The following RNF212B variants were observed in gnomAD, a reference collection of about 807,000 sequenced individuals.
RNF212B encodes the protein ring finger protein 212B.
In RNF212B, 52 loss-of-function variants were observed where a neutral mutation model predicts 55.5. The observed-to-expected ratio is 0.94, with a 90% CI of 0.75 to 1.18. The LOEUF (loss-of-function observed/expected upper bound fraction) is 1.18. RNF212B is among the 50% of genes most tolerant of loss of function. The pLI is 0.00. For synonymous variants in RNF212B, 99 were observed against 121.4 expected (o/e 0.82, Z 1.21); for missense variants, 289 against 350.4 (o/e 0.82, Z 1.40).
At chr14:23,199,455 A>C (rs1879065278) in intron 2 of RNF212B, among the ~76,000 whole-genome samples, 1 of 152,234 alleles carries the variant, frequency 6.6e-6, no homozygotes, top group Non-Finnish European at 1.5e-5. Flanking sequence ...TGCCCTAAGC[A>C]GTTCCCAGCT....
At chr14:23,231,870 A>G (rs1882647015) in intron 2 of RNF212B, among the ~76,000 whole-genome samples, 1 of 152,180 alleles carries the variant, frequency 6.6e-6, no homozygotes, top group South Asian at 2.1e-4. Context: ...TCCAGCTCCT[A>G]ACCGTGAGTG....
At chr14:23,194,250 CA>C (rs1243107335) in intron 2 of RNF212B, among the ~76,000 whole-genome samples, 3 of 151,610 alleles carry the variant, frequency 2.0e-5, no homozygotes, top group African/African-American at 7.3e-5. Context: ...GAATTTAAGG[CA>C]AAAAGCATCA....
intron 4 of RNF212B, among the ~76,000 whole-genome samples, chr14:23,256,813 G>C (rs1320665204): frequency 6.6e-6 from 1 of 152,138 alleles, no homozygotes. Context: ...CAGCCTTTCA[G>C]GTAGTTGAGA....
At chr14:23,247,294 G>C (rs1280840987) in intron 4 of RNF212B, among the ~76,000 whole-genome samples, 2 of 151,864 alleles carry the variant, frequency 1.3e-5, no homozygotes, top group Non-Finnish European at 2.9e-5. Flanking sequence ...TTTAAAGTAT[G>C]CAATTCAGTG....
At position 23,220,286 on chromosome 14, in the gene RNF212B, C is replaced by T. The variant is rs573882829; in HGVS notation, c.-1-20059C>T. Among the ~76,000 whole-genome samples the T allele has an allele frequency of 8.5e-5, 13 of 152,294 alleles. No homozygotes were observed. The East Asian group carries it at 1.9e-3, about 23-fold the overall frequency. On this transcript the variant is annotated intron_variant, in intron 2 of 15. Transcript: ENST00000399910. ...GTGGCTTATGCCTGTAATTTCAGCA[C>T]TTTGGGAGGTCGAGGTGGGTGGATT...
chr14:23,208,935 T>G (rs921272466), intron 2 of RNF212B, among the ~76,000 whole-genome samples: 1 of 151,420 alleles, frequency 6.6e-6, no homozygotes, highest in Non-Finnish European at 1.5e-5. Context: ...ATTTTTTGTA[T>G]TTTTAGTAGA....
At chr14:23,208,209 A>C (rs1200698764) in intron 2 of RNF212B, among the ~76,000 whole-genome samples, 2 of 152,184 alleles carry the variant, frequency 1.3e-5, no homozygotes, top group African/African-American at 4.8e-5. Context: ...GCACGAGATG[A>C]GTGTGGCACA....
chr14:23,266,888 C>T (rs1421223070), intron 11 of RNF212B, among the ~76,000 whole-genome samples: 4 of 152,172 alleles, frequency 2.6e-5, no homozygotes, highest in African/African-American at 9.7e-5. Context: ...CCTTTCCTTG[C>T]TGATCTTCTG....
chr14:23,259,978 C>A, intron 6 of RNF212B, 34 bp downstream of exon 6: 2 of 1,159,942 alleles, frequency 1.7e-6, no homozygotes, highest in South Asian at 1.5e-5. Flanking sequence ...TTATTATTTT[C>A]TCTCTTACTT....
intron 13 of RNF212B, among the ~76,000 whole-genome samples, chr14:23,270,206 A>G (rs1208575393): frequency 6.6e-6 from 1 of 152,182 alleles, no homozygotes; most frequent in Non-Finnish European, 1.5e-5. Flanking sequence ...AGGTTGGCCT[A>G]TAGGATTAAA....
At chr14:23,204,465 C>A (rs1879639823) in intron 2 of RNF212B, among the ~76,000 whole-genome samples, 1 of 152,072 alleles carries the variant, frequency 6.6e-6, no homozygotes, top group African/African-American at 2.4e-5. Context: ...TATCCCAGCG[C>A]CATTTATTAA....
intron 2 of RNF212B, among the ~76,000 whole-genome samples, chr14:23,215,277 C>A (rs530284841): frequency 6.6e-6 from 1 of 152,140 alleles, no homozygotes; most frequent in South Asian, 2.1e-4. Flanking sequence ...CCTCCCTAGC[C>A]GTGCAGAACT....
chr14:23,241,598 A>G (rs1159752854), intron 2 of RNF212B, among the ~76,000 whole-genome samples: 1 of 151,762 alleles, frequency 6.6e-6, no homozygotes, highest in Admixed American at 6.6e-5. Context: ...TAACTTTTGT[A>G]TTTTTAGTAG....
At chr14:23,239,728 C>A (rs1253612917) in intron 1 of RNF212B, among the ~76,000 whole-genome samples, 3 of 152,096 alleles carry the variant, frequency 2.0e-5, no homozygotes, top group Non-Finnish European at 4.4e-5. Flanking sequence ...AAGTGATTCT[C>A]CTGCCTCAGC....
At chr14:23,225,677 G>A (rs1881939814) in intron 2 of RNF212B, among the ~76,000 whole-genome samples, 1 of 151,882 alleles carries the variant, frequency 6.6e-6, no homozygotes, top group South Asian at 2.1e-4. Context: ...GATGGGGTGG[G>A]GAGGAGATGG....
At chr14:23,238,386 G>A (rs1883286770) in intron 1 of RNF212B, among the ~76,000 whole-genome samples, 1 of 151,842 alleles carries the variant, frequency 6.6e-6, no homozygotes, top group Admixed American at 6.6e-5. Flanking sequence ...ATTTTTTATC[G>A]TAAATCTTAC....
intron 7 of RNF212B, among the ~76,000 whole-genome samples, chr14:23,262,415 A>C (rs1392363767): frequency 6.6e-6 from 1 of 152,202 alleles, no homozygotes; most frequent in East Asian, 1.9e-4. Flanking sequence ...AGAAAGGTGT[A>C]CTTTAAAACT....
upstream of RNF212B, among the ~76,000 whole-genome samples, chr14:23,236,140 G>A (rs1883073095): frequency 6.6e-6 from 1 of 152,154 alleles, no homozygotes; most frequent in South Asian, 2.1e-4. Context: ...CATAGCAAGA[G>A]ATTACAAAAA....
At chr14:23,212,844 TTTTG>T (rs1332829267) in intron 2 of RNF212B, among the ~76,000 whole-genome samples, 1 of 152,082 alleles carries the variant, frequency 6.6e-6, no homozygotes, top group Admixed American at 6.6e-5. Flanking sequence ...ACTTTTTAGT[TTTTG>T]TTTATTTTTC....
Sources: gnomAD v4.1 joint callset for allele counts (sites outside exome capture counted in the v4.1 genomes callset) on GRCh38, gnomAD v4.1.1 for gene constraint, MANE v1.5 for transcripts, NCBI Gene and HGNC (gene_info 2026-07-23, HGNC 2026-07-21) for gene names.